The following MYO1D variants were observed in gnomAD, a reference collection of about 807,000 sequenced individuals.
The protein encoded by MYO1D is unconventional myosin-Id.
Under a neutral mutation model 122.0 loss-of-function variants are expected in MYO1D, and 83 were observed. The ratio of observed to expected loss-of-function variants is 0.68; its 90% CI spans 0.57 to 0.82. MYO1D has a LOEUF of 0.82. Ranked by LOEUF, MYO1D falls within the 40% of genes least tolerant of loss-of-function variation. The probability of loss-of-function intolerance (pLI) is 0.00; values close to 1 mark genes in which losing one functional copy is unlikely to be tolerated. For synonymous variants in MYO1D, 464 were observed against 446.9 expected (o/e 1.04, Z -0.48); for missense variants, 1,157 against 1,269.5 (o/e 0.91, Z 1.35).
chr17:32,620,215 A>G (rs1255533998), intron 20 of MYO1D, among the ~76,000 whole-genome samples: 1 of 152,108 alleles, frequency 6.6e-6, no homozygotes, highest in East Asian at 1.9e-4. Context: ...CATTACCCCT[A>G]GGCTGGCTCC....
At chr17:32,506,138 T>C (rs1051752772) in intron 21 of MYO1D, among the ~76,000 whole-genome samples, 4 of 152,190 alleles carry the variant, frequency 2.6e-5, no homozygotes, top group South Asian at 4.1e-4. Flanking sequence ...TTGTAAAGAA[T>C]TGCTGCGAGA....
chr17:32,673,913 C>T (rs1205917149), intron 16 of MYO1D, among the ~76,000 whole-genome samples: 1 of 152,040 alleles, frequency 6.6e-6, no homozygotes, highest in Non-Finnish European at 1.5e-5. Context: ...GATTATTTTC[C>T]CTTCCAGTTT....
At chr17:32,619,039 C>T (rs2087817341) in intron 20 of MYO1D, among the ~76,000 whole-genome samples, 1 of 152,160 alleles carries the variant, frequency 6.6e-6, no homozygotes, top group Non-Finnish European at 1.5e-5. Flanking sequence ...CCCTGAGTAT[C>T]TGGCAGTTTG....
chr17:32,637,300 T>C (rs573058504), intron 20 of MYO1D, among the ~76,000 whole-genome samples: 6 of 152,322 alleles, frequency 3.9e-5, no homozygotes, highest in Admixed American at 2.0e-4. Context: ...TACTTCAAGA[T>C]TGGAGGGTTA....
At chr17:32,562,386 C>A (rs1313792111) in intron 21 of MYO1D, among the ~76,000 whole-genome samples, 2 of 65,188 alleles carry the variant, frequency 3.1e-5, no homozygotes, top group Non-Finnish European at 5.6e-5. Flanking sequence ...AGACTGTTTC[C>A]AGTTTTTTAC....
At chr17:32,692,510 T>C (rs1872072339) in intron 16 of MYO1D, among the ~76,000 whole-genome samples, 1 of 152,200 alleles carries the variant, frequency 6.6e-6, no homozygotes, top group Non-Finnish European at 1.5e-5. Context: ...AAAATCTTTT[T>C]TAGGGTGATA....
At chr17:32,799,978 A>G (rs1567647967) in intron 1 of MYO1D, among the ~76,000 whole-genome samples, 1 of 152,212 alleles carries the variant, frequency 6.6e-6, no homozygotes, top group Non-Finnish European at 1.5e-5. Context: ...GCAAATTAAA[A>G]CCAAAATGAG....
chr17:32,754,000 G>A (rs1314593514), intron 11 of MYO1D, among the ~76,000 whole-genome samples: 6 of 152,184 alleles, frequency 3.9e-5, no homozygotes, highest in South Asian at 2.1e-4. Flanking sequence ...TCAAAATGAG[G>A]TGGATTTGAT....
At chr17:32,657,852 A>G (rs1157384432) in intron 17 of MYO1D, among the ~76,000 whole-genome samples, 1 of 152,256 alleles carries the variant, frequency 6.6e-6, no homozygotes, top group Admixed American at 6.5e-5. Flanking sequence ...CTGTAGTGCA[A>G]TCTAATCAAA....
chr17:32,828,325 G>A (rs2090740915), intron 1 of MYO1D, among the ~76,000 whole-genome samples: 1 of 152,014 alleles, frequency 6.6e-6, no homozygotes. Context: ...GATCATCCTG[G>A]CTAACACGGT....
At chr17:32,875,553 T>C (rs887283915) in intron 1 of MYO1D, among the ~76,000 whole-genome samples, 2 of 152,248 alleles carry the variant, frequency 1.3e-5, no homozygotes, top group African/African-American at 4.8e-5. Context: ...TTAATCACTA[T>C]GATAATGGGT....
chr17:32,849,935 A>G (rs939777229), intron 1 of MYO1D, among the ~76,000 whole-genome samples: 1 of 152,214 alleles, frequency 6.6e-6, no homozygotes, highest in Non-Finnish European at 1.5e-5. Context: ...CTTCACTATC[A>G]TGACATGTAA....
intron 21 of MYO1D, chr17:32,495,651 A>T (rs939007687): frequency 1.3e-5 from 2 of 152,350 alleles, no homozygotes; most frequent in Admixed American, 6.5e-5. Context: ...AGCTCCTCAC[A>T]CGACGCTGAA....
chr17:32,653,288 T>G (rs61192855), intron 19 of MYO1D, among the ~76,000 whole-genome samples: 6,838 of 151,774 alleles, frequency 0.045, 238 homozygotes, highest in East Asian at 0.19. Flanking sequence ...CGCAATCTAG[T>G]TTTTTTGTTT....
intron 16 of MYO1D, among the ~76,000 whole-genome samples, chr17:32,700,629 T>TA (rs1555644398): frequency 6.6e-6 from 1 of 151,636 alleles, no homozygotes; most frequent in Non-Finnish European, 1.5e-5. Context: ...TTGATGAAGA[T>TA]AAAAAAATTA....
In MYO1D at chr17:32,727,400, C is replaced by T. The variant is rs555188042; in HGVS notation, c.1747-6211G>A. 8.5e-5 allele frequency among the ~76,000 whole-genome samples: 13 copies of T among 152,328 alleles called. No individual in the cohort carries two copies. The East Asian group carries it at 2.3e-3, about 27-fold the overall frequency. On this transcript the variant is annotated intron_variant, in intron 14 of 21. Coordinates refer to ENST00000318217, the MANE Select transcript of MYO1D (RefSeq NM_015194.3). The stretch of plus-strand genomic sequence containing the variant: ...AAGGACAGACCTAATACAGGAGTCA[C>T]TAAGCTCAGGCAAACCCAAAGTATA...
chr17:32,814,738 T>C (rs2090599720), intron 1 of MYO1D, among the ~76,000 whole-genome samples: 1 of 152,244 alleles, frequency 6.6e-6, no homozygotes, highest in African/African-American at 2.4e-5. Context: ...ATAATGCTAA[T>C]TGCAATTACA....
chr17:32,857,753 A>G (rs1035918362), intron 1 of MYO1D, among the ~76,000 whole-genome samples: 8 of 152,150 alleles, frequency 5.3e-5, no homozygotes, highest in Non-Finnish European at 1.0e-4. Flanking sequence ...ATTCAGCCCA[A>G]TCCCTTAATC....
chr17:32,551,612 T>C (rs1165669499), intron 21 of MYO1D, among the ~76,000 whole-genome samples: 1 of 152,112 alleles, frequency 6.6e-6, no homozygotes, highest in Non-Finnish European at 1.5e-5. Flanking sequence ...GGAATGTATG[T>C]GGCTTTTCCC....
Sources: gnomAD v4.1 joint callset for allele counts (sites outside exome capture counted in the v4.1 genomes callset) on GRCh38, gnomAD v4.1.1 for gene constraint, MANE v1.5 for transcripts, NCBI Gene and HGNC (gene_info 2026-07-23, HGNC 2026-07-21) for gene names.